DSCAML1: variants seen among roughly 807,000 people sequenced by gnomAD.
DSCAML1 encodes the protein cell adhesion molecule DSCAML1.
Under a neutral mutation model 200.5 loss-of-function variants are expected in DSCAML1, and 38 were observed. That is an observed-to-expected ratio of 0.19 (90% CI 0.15 to 0.25). The LOEUF is 0.25. DSCAML1 is among the 10% of genes least tolerant of loss of function. The pLI, the probability that DSCAML1 is intolerant of heterozygous loss-of-function variation, is 1.00. For missense variants in DSCAML1, 2,223 were observed against 2,858.8 expected, an observed-to-expected ratio of 0.78 and a Z score of 5.07; for synonymous variants, 1,215 against 1,165.0, an observed-to-expected ratio of 1.04 and a Z score of -0.87.
chr11:117,646,435 C>T (rs1286881577), intron 3 of DSCAML1, among the ~76,000 whole-genome samples: 2 of 152,082 alleles, frequency 1.3e-5, no homozygotes, highest in East Asian at 3.8e-4. Context: ...TGCTGGGATC[C>T]CCCCCAAGTC....
chr11:117,566,987 A>C (rs2050770536), intron 3 of DSCAML1, among the ~76,000 whole-genome samples: 1 of 152,096 alleles, frequency 6.6e-6, no homozygotes, highest in African/African-American at 2.4e-5. Flanking sequence ...ATTGTTGGAC[A>C]TTTGGGTTGG....
At chr11:117,690,081 A>G (rs1008573226) in intron 3 of DSCAML1, among the ~76,000 whole-genome samples, 2 of 152,204 alleles carry the variant, frequency 1.3e-5, no homozygotes, top group African/African-American at 4.8e-5. Context: ...AAAGCCAGAG[A>G]CTATACTGAA....
intron 11 of DSCAML1, 104 bp from the exon 12 acceptor site, chr11:117,482,266 G>A: frequency 4.4e-6 from 6 of 1,355,988 alleles, no homozygotes; most frequent in Non-Finnish European, 6.1e-6. Flanking sequence ...TCCTCCCCCA[G>A]GAGAGGCTCC....
intron 3 of DSCAML1, among the ~76,000 whole-genome samples, chr11:117,545,242 C>CA (rs1405943218): frequency 1.4e-5 from 2 of 138,438 alleles, no homozygotes; most frequent in East Asian, 4.2e-4. Context: ...AAAACACACA[C>CA]ACACACACAC....
chr11:117,437,899 C>T lies in DSCAML1; in HGVS notation c.4428G>A (p.Gly1476=), dbSNP rs1378118346. Residue 1476 remains glycine, a synonymous_variant, in exon 25 of 33, where the codon GGG becomes GGA. Coordinates refer to ENST00000651296, the MANE Select transcript of DSCAML1 (RefSeq NM_020693.4). The surrounding 1 kb of genome is among the most constrained non-coding windows in gnomAD (Gnocchi z 5.3). The part of the protein sequence containing the change: ...ISEIIEAKTH[G]REPSFSKDQH... ...CCCCAGTGGCCTGGGCCTCACCCCG[C>T]CCGTGGGTCTTGGCCTCGATGATCT... 5 of 1,606,908 alleles carry T rather than the reference C, an allele frequency of 3.1e-6. No homozygotes were observed. In the South Asian group the frequency reaches 4.4e-5, roughly 14 times the overall value.
At chr11:117,778,377 G>A (rs904787952) in intron 2 of DSCAML1, among the ~76,000 whole-genome samples, 6 of 152,158 alleles carry the variant, frequency 3.9e-5, no homozygotes, top group East Asian at 1.9e-4. Flanking sequence ...TGGGGTGCAC[G>A]CCACCTGTGA....
At chr11:117,571,861 A>G (rs2050852369) in intron 3 of DSCAML1, among the ~76,000 whole-genome samples, 1 of 152,224 alleles carries the variant, frequency 6.6e-6, no homozygotes, top group African/African-American at 2.4e-5. Flanking sequence ...AACAGGTTGC[A>G]GTAAAGGAGC....
intron 3 of DSCAML1, among the ~76,000 whole-genome samples, chr11:117,566,368 T>C (rs560017842): frequency 1.3e-5 from 2 of 150,868 alleles, no homozygotes; most frequent in South Asian, 2.1e-4. Flanking sequence ...TTTTTTTTTT[T>C]CTAGGGCCTT....
At chr11:117,594,166 G>C (rs1242528094) in intron 3 of DSCAML1, among the ~76,000 whole-genome samples, 4 of 152,162 alleles carry the variant, frequency 2.6e-5, no homozygotes, top group African/African-American at 7.2e-5. Context: ...GGAATTCCAA[G>C]GGAGGTGCAC....
At position 117,469,712 on chromosome 11, in the gene DSCAML1, T is replaced by G. The variant is rs941561429; in HGVS notation, c.3024+198A>C. Among the ~76,000 whole-genome samples, 1 of 151,954 alleles carries G rather than the reference T, an allele frequency of 6.6e-6. No individual in the cohort carries two copies. Among genetic ancestry groups the G allele is most frequent in the South Asian group, 2.1e-4 (1 of 4,810 alleles). The stretch of plus-strand genomic sequence containing the variant: ...CAGAGAACCAGGGAGGAGAGGGAAG[T>G]GGGGATTATTGTGCTGGAGGGACCT... On this transcript the variant is annotated intron_variant, in intron 16 of 32. Coordinates refer to ENST00000651296, the MANE Select transcript of DSCAML1 (RefSeq NM_020693.4). This position sits in a 1 kb window ranked among gnomAD's most constrained non-coding sequence, Gnocchi z 4.1.
At chr11:117,703,060 A>C in intron 3 of DSCAML1, among the ~76,000 whole-genome samples, 1 of 152,244 alleles carries the variant, frequency 6.6e-6, no homozygotes, top group East Asian at 1.9e-4. Flanking sequence ...TCATGCCGTA[A>C]AGATGCACAT....
At chr11:117,772,788 G>A (rs2055062793) in intron 3 of DSCAML1, among the ~76,000 whole-genome samples, 1 of 152,162 alleles carries the variant, frequency 6.6e-6, no homozygotes, top group Admixed American at 6.5e-5. Flanking sequence ...ACAGCCTTTG[G>A]CCCTCTTACC....
intron 3 of DSCAML1, among the ~76,000 whole-genome samples, chr11:117,549,491 C>T (rs1455902212): frequency 2.6e-5 from 4 of 152,244 alleles, no homozygotes; most frequent in Non-Finnish European, 4.4e-5. Context: ...TGTGACCTTG[C>T]ACAGGTTACT....
chr11:117,686,462 G>A (rs995941955), intron 3 of DSCAML1, among the ~76,000 whole-genome samples: 16 of 152,190 alleles, frequency 1.1e-4, no homozygotes, highest in Non-Finnish European at 4.4e-5. Flanking sequence ...AGGAGCCTTC[G>A]CACTGCGGGT....
At position 117,439,441 on chromosome 11, in the gene DSCAML1, G is replaced by A. The variant is rs377042147; in HGVS notation, c.3981-12C>T. On this transcript the variant is annotated splice_polypyrimidine_tract_variant and intron_variant, in intron 22 of 32. Transcript: ENST00000651296. Reference sequence around the variant, plus strand: ...TGGCCGAGTCTTCACTGCCAGGGGCGAGGATGGGGCGGGTGGGTCATGTCA... The same window carrying A: ...TGGCCGAGTCTTCACTGCCAGGGGCAAGGATGGGGCGGGTGGGTCATGTCA... The A allele has an allele frequency of 2.9e-5, 47 of 1,609,458 alleles. No individual in the cohort carries two copies. Among genetic ancestry groups the A allele is most frequent in the East Asian group, 2.7e-4 (12 of 44,822 alleles).
intron 3 of DSCAML1, among the ~76,000 whole-genome samples, chr11:117,716,288 T>G (rs142471775): frequency 6.6e-6 from 1 of 152,240 alleles, no homozygotes; most frequent in African/African-American, 2.4e-5. Context: ...GTTAACCAGC[T>G]GAACAAGCTT....
intron 23 of DSCAML1, 135 bp downstream of exon 23, chr11:117,439,131 C>T (rs2047985616): frequency 1.5e-6 from 2 of 1,370,270 alleles, no homozygotes; most frequent in Middle Eastern, 1.8e-4. Flanking sequence ...CTTCCATGTG[C>T]ACCTCTGTTT....
chr11:117,459,727 A>T (rs1038800870), intron 18 of DSCAML1, among the ~76,000 whole-genome samples: 2 of 152,212 alleles, frequency 1.3e-5, no homozygotes, highest in African/African-American at 4.8e-5. Context: ...GCCTCCCACT[A>T]GGACTGCTGG....
At chr11:117,519,212 G>A (rs2049841078) in intron 6 of DSCAML1, among the ~76,000 whole-genome samples, 1 of 152,194 alleles carries the variant, frequency 6.6e-6, no homozygotes, top group African/African-American at 2.4e-5. Flanking sequence ...GAAGTTAACT[G>A]CTTAGAACTA....
Sources: gnomAD v4.1 joint callset for allele counts (sites outside exome capture counted in the v4.1 genomes callset) on GRCh38, gnomAD v4.1.1 for gene constraint, Gnocchi (gnomAD v3.1) non-coding constraint, MANE v1.5 for transcripts, NCBI Gene and HGNC (gene_info 2026-07-23, HGNC 2026-07-21) for gene names.